Variants in CNNM2 observed in about 807,000 individuals in gnomAD.
CNNM2 encodes metal transporter CNNM2.
Under a neutral mutation model 66.9 loss-of-function variants are expected in CNNM2, and 12 were observed. That is an observed-to-expected ratio of 0.18 (90% CI 0.11 to 0.29). The LOEUF is 0.29. Among genes scored for constraint, CNNM2 ranks in the 10% least tolerant of loss-of-function variants. The pLI, the probability that CNNM2 is intolerant of heterozygous loss-of-function variation, is 1.00. For synonymous variants in CNNM2, 557 were observed against 501.8 expected (o/e 1.11, Z -1.47); for missense variants, 705 against 1,167.7 (o/e 0.60, Z 5.77).
In CNNM2 at chr10:102,918,631, C is replaced by A; in HGVS notation, c.151C>A (p.Leu51Met). 6.5e-7 allele frequency: 1 copy of A among 1,544,050 alleles called. No homozygotes were observed. The highest frequency in any genetic ancestry group is 8.7e-7 in the Non-Finnish European group (1 of 1,145,606). Residue 51 changes from leucine to methionine, a missense_variant, in exon 1 of 8, where the codon CTG becomes ATG. Around this residue, in one of 9 missense-constraint regions of CNNM2, gnomAD observed 98 missense variants for 73.6 expected, o/e 1.33. Transcript: ENST00000369878. The surrounding 1 kb of genome is among the most constrained non-coding windows in gnomAD (Gnocchi z 4.1). ...LQAAAGRLLP[L>M]LLLSCCCGAG... ...GGCGGCTGCGGGGCGGCTGCTGCCGCTGCTCCTGCTGAGCTGCTGCTGCGG... is the reference window on the plus strand; with the variant it reads ...GGCGGCTGCGGGGCGGCTGCTGCCGATGCTCCTGCTGAGCTGCTGCTGCGG...
Position 103,076,139 on chromosome 10 carries a change from A to G in CNNM2, c.2287A>G (p.Ser763Gly), listed in dbSNP as rs1241978154. 6.2e-7 allele frequency: 1 copy of G among 1,611,016 alleles called. No homozygotes were observed. Among genetic ancestry groups the G allele is most frequent in the Admixed American group, 1.7e-5 (1 of 59,574 alleles). Residue 763 changes from serine (S) to glycine (G), a missense_variant, in exon 7 of 8, where the codon AGT becomes GGT. By Grantham distance (56) the Ser-to-Gly change is moderately conservative (BLOSUM62 0). Around this residue, in one of 9 missense-constraint regions of CNNM2, gnomAD observed 194 missense variants for 227.6 expected, o/e 0.85. Coordinates refer to ENST00000369878, the MANE Select transcript of CNNM2 (RefSeq NM_017649.5). ...TGGCTTGAATCACTCAGACTCTCTC[A>G]GTCGAAGCGACCGGATTGACGCCGT... The part of the protein sequence containing the change: ...PCGLNHSDSL[S>G]RSDRIDAVTP...
intron 1 of CNNM2, among the ~76,000 whole-genome samples, chr10:102,982,859 A>G (rs971629249): frequency 6.6e-6 from 1 of 152,162 alleles, no homozygotes; most frequent in South Asian, 2.1e-4. Flanking sequence ...GCTGCATTCA[A>G]TAAACTTATA....
chr10:102,982,331 A>G (rs1455357992), intron 1 of CNNM2, among the ~76,000 whole-genome samples: 2 of 152,230 alleles, frequency 1.3e-5, no homozygotes, highest in East Asian at 1.9e-4. Flanking sequence ...AACCCAGTCC[A>G]GCATAGGGTT....
intron 1 of CNNM2, among the ~76,000 whole-genome samples, chr10:102,971,709 ACT>A (rs1258409503): frequency 6.6e-6 from 1 of 151,086 alleles, no homozygotes; most frequent in Non-Finnish European, 1.5e-5. Flanking sequence ...TTTTTGTATG[ACT>A]CTACCATAAT....
At chr10:103,024,682 G>C (rs373051849) in intron 1 of CNNM2, among the ~76,000 whole-genome samples, 2 of 152,098 alleles carry the variant, frequency 1.3e-5, no homozygotes, top group East Asian at 3.9e-4. Flanking sequence ...GTTTCACCGT[G>C]TTAGTCAGGA....
rs1407520458 is a variant in CNNM2 at position 103,084,369 on chromosome 10, T to C, written c.*7189T>C. ...CTGCCTGACCTAACTACCGCTCCCA[T>C]CTCCCCAGGTATCGCCCAACTACCT... On this transcript the variant is annotated 3_prime_UTR_variant, in exon 8 of 8. Coordinates refer to ENST00000369878, the MANE Select transcript of CNNM2 (RefSeq NM_017649.5). 6.6e-6 allele frequency: 1 copy of C among 152,134 alleles called. No individual in the cohort carries two copies. Among genetic ancestry groups the C allele is most frequent in the Non-Finnish European group, 1.5e-5 (1 of 68,036 alleles). The allele number at this position is 152,134 out of a possible 1,614,324, so 9.4% of individuals were successfully genotyped here.
chr10:102,946,304 T>C (rs1846616442), intron 1 of CNNM2, among the ~76,000 whole-genome samples: 2 of 152,050 alleles, frequency 1.3e-5, no homozygotes, highest in Admixed American at 6.5e-5. Flanking sequence ...GGCAGAAAGG[T>C]TGTGTTTGGG....
intron 1 of CNNM2, among the ~76,000 whole-genome samples, chr10:103,045,999 C>T (rs974729181): frequency 6.6e-6 from 1 of 152,078 alleles, no homozygotes; most frequent in Non-Finnish European, 1.5e-5. Context: ...GGGTTTTTTC[C>T]CTCTAAGTTG....
At chr10:102,971,984 G>C (rs190643025) in intron 1 of CNNM2, among the ~76,000 whole-genome samples, 4 of 152,102 alleles carry the variant, frequency 2.6e-5, no homozygotes, top group Admixed American at 6.6e-5. Context: ...TTAATTGGTT[G>C]CAGATCTTTA....
At chr10:102,999,657 C>T (rs868243149) in intron 1 of CNNM2, among the ~76,000 whole-genome samples, 2 of 152,178 alleles carry the variant, frequency 1.3e-5, no homozygotes, top group African/African-American at 4.8e-5. Context: ...CTTCCCCCCC[C>T]ACCTCTCCGC....
At chr10:103,044,852 C>CT (rs1174442936) in intron 1 of CNNM2, among the ~76,000 whole-genome samples, 1 of 152,198 alleles carries the variant, frequency 6.6e-6, no homozygotes, top group African/African-American at 2.4e-5. Flanking sequence ...TGTAAGAAGC[C>CT]TAATTCACAG....
chr10:102,987,035 G>A (rs969883783), intron 1 of CNNM2, among the ~76,000 whole-genome samples: 9 of 152,076 alleles, frequency 5.9e-5, no homozygotes, highest in African/African-American at 2.2e-4. Flanking sequence ...AAGGGAGGGT[G>A]TCCCCAGAAG....
rs1444109689 is a variant in CNNM2, at chr10:102,918,386, C to T, written c.-95C>T. On this transcript the variant is annotated 5_prime_UTR_variant, in exon 1 of 8. Coordinates refer to ENST00000369878, the MANE Select transcript of CNNM2 (RefSeq NM_017649.5). The surrounding 1 kb of genome is among the most constrained non-coding windows in gnomAD (Gnocchi z 4.1). ...AGGGAGGCGAACTGCTGAGCACTGG[C>T]CGCGGACGCTCCGTTGCAGTCTCGC... 6 of 1,524,366 alleles carry T rather than the reference C, an allele frequency of 3.9e-6. No individual in the cohort carries two copies. Among genetic ancestry groups the T allele is most frequent in the Non-Finnish European group, 5.2e-6 (6 of 1,143,102 alleles). 94.4% of individuals were successfully genotyped at this position (1,524,366 alleles called of 1,614,324 possible). A position where few individuals can be genotyped will look rare whatever the true frequency, so the allele number is the denominator to read the frequency against.
At chr10:103,047,664 T>C (rs1377601004) in intron 1 of CNNM2, among the ~76,000 whole-genome samples, 2 of 152,244 alleles carry the variant, frequency 1.3e-5, no homozygotes, top group Non-Finnish European at 2.9e-5. Context: ...AAGTAAGAAT[T>C]TTTAAAAATC....
intron 2 of CNNM2, among the ~76,000 whole-genome samples, chr10:103,050,176 A>G (rs889161752): frequency 3.3e-5 from 5 of 152,184 alleles, no homozygotes; most frequent in Non-Finnish European, 7.3e-5. Context: ...ATTTTATACA[A>G]CTAGGTATAT....
chr10:103,072,901 G>A (rs754123603), intron 6 of CNNM2, among the ~76,000 whole-genome samples: 3 of 152,232 alleles, frequency 2.0e-5, no homozygotes, highest in Non-Finnish European at 4.4e-5. Context: ...GGCCGCCCCA[G>A]AATTGCTGGT....
At chr10:102,958,556 C>T (rs944831965) in intron 1 of CNNM2, among the ~76,000 whole-genome samples, 2 of 148,204 alleles carry the variant, frequency 1.3e-5, no homozygotes, top group African/African-American at 5.0e-5. Context: ...CTGCAACCTC[C>T]GCCTCCCAGG....
intron 1 of CNNM2, among the ~76,000 whole-genome samples, chr10:102,932,194 A>G (rs1243790579): frequency 1.3e-5 from 2 of 150,762 alleles, no homozygotes; most frequent in Non-Finnish European, 3.0e-5. Flanking sequence ...ATTGAGTCCA[A>G]CTTGTCTTTT....
intron 1 of CNNM2, among the ~76,000 whole-genome samples, chr10:103,032,881 G>A (rs2064856065): frequency 6.6e-6 from 1 of 151,696 alleles, no homozygotes; most frequent in African/African-American, 2.4e-5. Context: ...ACTTTGGGAG[G>A]CTGAGGTGGA....
Sources: gnomAD v4.1 joint callset for allele counts (sites outside exome capture counted in the v4.1 genomes callset) on GRCh38, gnomAD v4.1.1 for gene constraint, gnomAD v4.1.1 regional missense constraint, Gnocchi (gnomAD v3.1) non-coding constraint, MANE v1.5 for transcripts, NCBI Gene and HGNC (gene_info 2026-07-23, HGNC 2026-07-21) for gene names.